Variants in NXPH1 observed in about 807,000 individuals in gnomAD.
The protein encoded by NXPH1 is neurexophilin 1, also known as neurexophilin-1.
A neutral mutation model predicts 23.7 loss-of-function variants in NXPH1; 5 were observed. That is an observed-to-expected ratio of 0.21 (90% CI 0.11 to 0.44). The LOEUF (loss-of-function observed/expected upper bound fraction) is 0.44. Ranked by LOEUF, NXPH1 falls within the 20% of genes least tolerant of loss-of-function variation. NXPH1 has a pLI of 0.99. For synonymous variants in NXPH1, 144 were observed against 122.2 expected (o/e 1.18, Z -1.18); for missense variants, 324 against 321.6 (o/e 1.01, Z -0.06).
chr7:8,595,778 A>G (rs1163726652), intron 2 of NXPH1, among the ~76,000 whole-genome samples: 2 of 151,704 alleles, frequency 1.3e-5, no homozygotes, highest in African/African-American at 4.8e-5. Context: ...TTTCTTTTGA[A>G]TTTTTCAAGT....
At chr7:8,652,339 C>G (rs1393576662) in intron 2 of NXPH1, among the ~76,000 whole-genome samples, 1 of 152,108 alleles carries the variant, frequency 6.6e-6, no homozygotes, top group East Asian at 1.9e-4. Context: ...GTTATTTTAT[C>G]TATTTTATGT....
chr7:8,520,572 T>A (rs2057750), intron 2 of NXPH1, among the ~76,000 whole-genome samples: 1 of 151,970 alleles, frequency 6.6e-6, no homozygotes, highest in Non-Finnish European at 1.5e-5. Context: ...CTGTCAGTGA[T>A]GAATGAACAT....
intron 2 of NXPH1, among the ~76,000 whole-genome samples, chr7:8,697,911 T>C (rs1042565168): frequency 5.3e-5 from 8 of 152,206 alleles, no homozygotes; most frequent in Non-Finnish European, 1.2e-4. Context: ...AGATGACTCC[T>C]ATAGGCAGGA....
At chr7:8,471,798 C>T (rs1355859399) in intron 2 of NXPH1, among the ~76,000 whole-genome samples, 2 of 152,034 alleles carry the variant, frequency 1.3e-5, no homozygotes, top group African/African-American at 2.4e-5. Context: ...CACTGATGTT[C>T]CTTTGTTCAA....
chr7:8,606,563 G>A (rs912381151), intron 2 of NXPH1, among the ~76,000 whole-genome samples: 1 of 152,152 alleles, frequency 6.6e-6, no homozygotes. Context: ...AACAAGCATA[G>A]TATAAAATTT....
chr7:8,455,814 C>T (rs1054398623), intron 2 of NXPH1, among the ~76,000 whole-genome samples: 1 of 152,206 alleles, frequency 6.6e-6, no homozygotes, highest in Non-Finnish European at 1.5e-5. Context: ...TATTAAGTGG[C>T]TTGTTAAAAA....
At chr7:8,545,752 A>G (rs960392019) in intron 2 of NXPH1, among the ~76,000 whole-genome samples, 4 of 151,490 alleles carry the variant, frequency 2.6e-5, no homozygotes, top group African/African-American at 9.7e-5. Flanking sequence ...GAGCTTATTA[A>G]CATGCAGTAG....
At chr7:8,482,344 C>T (rs757067764) in intron 2 of NXPH1, among the ~76,000 whole-genome samples, 14 of 152,146 alleles carry the variant, frequency 9.2e-5, no homozygotes, top group Non-Finnish European at 1.9e-4. Flanking sequence ...CCATTTCCCA[C>T]ACAGTCAAGT....
intron 2 of NXPH1, among the ~76,000 whole-genome samples, chr7:8,670,429 C>A (rs1820850785): frequency 6.6e-6 from 1 of 152,174 alleles, no homozygotes; most frequent in African/African-American, 2.4e-5. Flanking sequence ...ACTTCACTAA[C>A]CCCAAATTTA....
At chr7:8,505,758 A>C (rs1419965839) in intron 2 of NXPH1, among the ~76,000 whole-genome samples, 1 of 152,144 alleles carries the variant, frequency 6.6e-6, no homozygotes, top group East Asian at 1.9e-4. Flanking sequence ...TGTTAGGCAC[A>C]TGATGTTCTG....
At chr7:8,644,525 A>G (rs1820365179) in intron 2 of NXPH1, among the ~76,000 whole-genome samples, 1 of 151,004 alleles carries the variant, frequency 6.6e-6, no homozygotes, top group Non-Finnish European at 1.5e-5. Context: ...TGTTGATGGC[A>G]TTTTTTCTTC....
intron 2 of NXPH1, among the ~76,000 whole-genome samples, chr7:8,560,491 C>A (rs904541713): frequency 6.6e-6 from 1 of 151,812 alleles, no homozygotes; most frequent in East Asian, 2.0e-4. Context: ...TACTTGAATC[C>A]ACATTATTAC....
intron 2 of NXPH1, among the ~76,000 whole-genome samples, chr7:8,478,766 T>C (rs1369376467): frequency 1.3e-5 from 2 of 152,130 alleles, no homozygotes; most frequent in African/African-American, 4.8e-5. Flanking sequence ...AAGTGATTTG[T>C]AAGTGAAAGA....
chr7:8,579,363 GTTT>G (rs752413628), intron 2 of NXPH1, among the ~76,000 whole-genome samples: 1 of 113,854 alleles, frequency 8.8e-6, no homozygotes, highest in East Asian at 2.1e-4. Context: ...AGTTTTTTTT[GTTT>G]TTTTTTTTTG....
In NXPH1 at chr7:8,668,374, A is replaced by G. The variant is rs560569802; in HGVS notation, c.55-82634A>G. Among the ~76,000 whole-genome samples, 16 of 152,046 alleles carry G rather than the reference A, an allele frequency of 1.1e-4. No individual in the cohort carries two copies. In the South Asian group the frequency reaches 1.5e-3, roughly 14 times the overall value. ...CTTTGTCTGGGAATACCCTTCAGCA[A>G]TCAGCCCATCCAGAGATTCTAGGCA... On this transcript the variant is annotated intron_variant, in intron 2 of 2. Transcript: ENST00000405863.
At chr7:8,479,077 T>C (rs939626055) in intron 2 of NXPH1, among the ~76,000 whole-genome samples, 3 of 152,222 alleles carry the variant, frequency 2.0e-5, no homozygotes, top group Non-Finnish European at 4.4e-5. Context: ...TGTTAACTGG[T>C]TAACATATAT....
chr7:8,558,343 G>C (rs768950099), intron 2 of NXPH1, among the ~76,000 whole-genome samples: 2 of 151,644 alleles, frequency 1.3e-5, no homozygotes, highest in Non-Finnish European at 3.0e-5. Flanking sequence ...AATTCTTCCA[G>C]AGTGTTTTTC....
chr7:8,443,027 G>T (rs1584157414), intron 2 of NXPH1, among the ~76,000 whole-genome samples: 1 of 152,224 alleles, frequency 6.6e-6, no homozygotes, highest in Non-Finnish European at 1.5e-5. Flanking sequence ...CCAGCAGTAG[G>T]GCCTGCCTCC....
intron 2 of NXPH1, among the ~76,000 whole-genome samples, chr7:8,558,002 T>C (rs199554804): frequency 3.3e-5 from 5 of 151,264 alleles, no homozygotes; most frequent in African/African-American, 1.2e-4. Context: ...AGTCCTATCA[T>C]AAAAAAAAGG....
Sources: gnomAD v4.1 joint callset for allele counts (sites outside exome capture counted in the v4.1 genomes callset) on GRCh38, gnomAD v4.1.1 for gene constraint, MANE v1.5 for transcripts, NCBI Gene and HGNC (gene_info 2026-07-23, HGNC 2026-07-21) for gene names.